DRC9: variants seen among roughly 807,000 people sequenced by gnomAD.
DRC9 encodes the protein dynein regulatory complex protein 9.
chr3:197,897,312 T>A, the DRC9 span, among the ~76,000 whole-genome samples: 1 of 152,140 alleles, frequency 6.6e-6, no homozygotes, highest in East Asian at 1.9e-4. Flanking sequence ...AAAATATAAA[T>A]CAATCAAGCC....
chr3:197,954,409 T>C, the DRC9 span: 8 of 503,646 alleles, frequency 1.6e-5, no homozygotes, highest in Non-Finnish European at 2.2e-5. Context: ...TCACAGCTTA[T>C]TGCAGCCTCG....
the DRC9 span, chr3:197,960,160 C>G: frequency 1.4e-6 from 2 of 1,431,340 alleles, no homozygotes; most frequent in East Asian, 2.3e-5. Flanking sequence ...CGGCTGGGCC[C>G]TCCGTCTACC....
At chr3:197,950,788 T>G in the DRC9 span, 1 of 680,124 alleles carries the variant, frequency 1.5e-6, no homozygotes, top group Non-Finnish European at 2.5e-6. Flanking sequence ...ACCCTGCGTT[T>G]CATATGGATG....
At chr3:197,950,323 C>G in the DRC9 span, 1 of 1,228,050 alleles carries the variant, frequency 8.1e-7, no homozygotes, top group African/African-American at 1.6e-5. Context: ...TCTCTGCCAG[C>G]CATTGATTTC....
chr3:197,946,389 C>T, the DRC9 span, among the ~76,000 whole-genome samples: 172 of 146,448 alleles, frequency 1.2e-3, no homozygotes, highest in African/African-American at 4.2e-3. Context: ...GAGCCGAGAT[C>T]GCGCCACTGC....
At chr3:197,938,473 TCAGCCAC>T in the DRC9 span, 1 of 1,033,044 alleles carries the variant, frequency 9.7e-7, no homozygotes, top group Non-Finnish European at 1.5e-6. Flanking sequence ...ACGATAGCAG[TCAGCCAC>T]CTGGGCGCCC....
At chr3:197,892,543 G>GAGCA in the DRC9 span, 1 of 1,435,506 alleles carries the variant, frequency 7.0e-7, no homozygotes, top group African/African-American at 1.7e-5. Context: ...CTCAGTGAGT[G>GAGCA]CCCTAATTCC....
At chr3:197,889,763 C>T in the DRC9 span, 2 of 1,606,902 alleles carry the variant, frequency 1.2e-6, no homozygotes, top group South Asian at 1.1e-5. Context: ...GCCTGACAAG[C>T]TGCATTCTTT....
At chr3:197,915,873 C>T in the DRC9 span, among the ~76,000 whole-genome samples, 1 of 152,356 alleles carries the variant, frequency 6.6e-6, no homozygotes, top group African/African-American at 2.4e-5. Flanking sequence ...AGGTGATCCA[C>T]CTGCCTCGGT....
chr3:197,953,732 C>G, the DRC9 span: 1 of 528,364 alleles, frequency 1.9e-6, no homozygotes, highest in Non-Finnish European at 3.4e-6. Flanking sequence ...AATATTGCCT[C>G]TGTTATCATC....
At chr3:197,950,702 C>T in the DRC9 span, 5 of 564,910 alleles carry the variant, frequency 8.9e-6, no homozygotes, top group Admixed American at 1.2e-4. Flanking sequence ...TTTGTGACTC[C>T]TGTCCCTTAG....
the DRC9 span, among the ~76,000 whole-genome samples, chr3:197,942,684 G>A: frequency 1.3e-5 from 2 of 151,896 alleles, no homozygotes; most frequent in African/African-American, 4.8e-5. Context: ...TTGGGAGGCC[G>A]AGGTGGGCAG....
At chr3:197,954,841 T>G in the DRC9 span, among the ~76,000 whole-genome samples, 2 of 152,198 alleles carry the variant, frequency 1.3e-5, no homozygotes, top group Non-Finnish European at 2.9e-5. Flanking sequence ...AGATATTTAT[T>G]GGGCACTGAA....
At chr3:197,890,251 AAAAAT>A in the DRC9 span, among the ~76,000 whole-genome samples, 1 of 152,070 alleles carries the variant, frequency 6.6e-6, no homozygotes, top group Admixed American at 6.6e-5. Context: ...AAAAAAGAAA[AAAAAT>A]TAGTCAGGCC....
At chr3:197,942,620 A>C in the DRC9 span, among the ~76,000 whole-genome samples, 29 of 152,258 alleles carry the variant, frequency 1.9e-4, no homozygotes, top group South Asian at 6.0e-3. Flanking sequence ...AGAATCAGAC[A>C]TAAGAATATC....
At chr3:197,950,025 G>A in the DRC9 span, 2 of 881,290 alleles carry the variant, frequency 2.3e-6, no homozygotes, top group Non-Finnish European at 3.0e-6. Context: ...CTACCAAGAT[G>A]AAAGGACTTA....
the DRC9 span, among the ~76,000 whole-genome samples, chr3:197,893,629 G>A: frequency 0.025 from 3,766 of 151,346 alleles, 63 homozygotes; most frequent in Non-Finnish European, 0.037. Context: ...AGATCACAGA[G>A]TCAGGAGATC....
the DRC9 span, chr3:197,926,241 G>A: frequency 4.9e-6 from 3 of 607,306 alleles, no homozygotes; most frequent in African/African-American, 3.7e-5. Context: ...GTCTGGGAGG[G>A]GCCTGAAGTG....
chr3:197,905,053 C>T, the DRC9 span, among the ~76,000 whole-genome samples: 1 of 151,708 alleles, frequency 6.6e-6, no homozygotes, highest in Non-Finnish European at 1.5e-5. Context: ...TCATGGAGGT[C>T]GAGAGTAGAA....
Sources: allele counts gnomAD v4.1 joint callset (sites outside exome capture counted in the v4.1 genomes callset), GRCh38; gene constraint gnomAD v4.1.1; transcripts MANE v1.5; gene names NCBI Gene and HGNC (gene_info 2026-07-23, HGNC 2026-07-21).